The following CTBP2 variants were observed in gnomAD, a reference collection of about 807,000 sequenced individuals.
CTBP2 encodes C-terminal binding protein 2, also known as C-terminal-binding protein 2.
In CTBP2, 30 loss-of-function variants were observed where a neutral mutation model predicts 80.3. The ratio of observed to expected loss-of-function variants is 0.37; its 90% CI spans 0.28 to 0.51. CTBP2 has a LOEUF of 0.51. Ranked by LOEUF, CTBP2 falls within the 20% of genes least tolerant of loss-of-function variation. The pLI is 0.93. For synonymous variants in CTBP2, 594 were observed against 587.4 expected (o/e 1.01, Z -0.16); for missense variants, 1,212 against 1,375.3 (o/e 0.88, Z 1.88).
chr10:124,985,125 C>A lies in CTBP2; in HGVS notation c.*4393G>T. 1.5e-6 allele frequency: 1 copy of A among 671,516 alleles called. No homozygotes were observed. 41.6% of individuals were successfully genotyped at this position (671,516 alleles called of 1,614,324 possible). A position where few individuals can be genotyped will look rare whatever the true frequency, so the allele number is the denominator to read the frequency against. On this transcript the variant is annotated 3_prime_UTR_variant, in exon 9 of 9. Coordinates refer to ENST00000309035, the MANE Select transcript of CTBP2 (RefSeq NM_022802.3). ...AGGATCTGCTCGGGGAAGTGTTTTCCTGGACCACACACACCTTATGGAGAT... is the reference window on the plus strand; with the variant it reads ...AGGATCTGCTCGGGGAAGTGTTTTCATGGACCACACACACCTTATGGAGAT...
intron 1 of CTBP2, among the ~76,000 whole-genome samples, chr10:125,013,793 C>T (rs1010504614): frequency 5.3e-5 from 8 of 152,218 alleles, no homozygotes; most frequent in African/African-American, 1.9e-4. Context: ...CCAGGGTCCA[C>T]CGCAGTGCAA....
chr10:125,099,084 T>C (rs540104339), intron 2 of CTBP2, among the ~76,000 whole-genome samples: 1 of 152,284 alleles, frequency 6.6e-6, no homozygotes, highest in African/African-American at 2.4e-5. Context: ...TAGCACACGG[T>C]CAGGCACGTT....
chr10:125,132,350 A>G (rs1043173242), intron 1 of CTBP2, among the ~76,000 whole-genome samples: 1 of 152,218 alleles, frequency 6.6e-6, no homozygotes, highest in African/African-American at 2.4e-5. Flanking sequence ...TTATGACACA[A>G]CTTGAGTCCA....
chr10:125,127,505 T>A (rs1855475687), intron 1 of CTBP2, among the ~76,000 whole-genome samples: 1 of 152,214 alleles, frequency 6.6e-6, no homozygotes, highest in Non-Finnish European at 1.5e-5. Context: ...AACAGACCTG[T>A]ACCAATTGGC....
At chr10:125,004,399 CA>C (rs1273155050) in intron 1 of CTBP2, among the ~76,000 whole-genome samples, 3 of 152,208 alleles carry the variant, frequency 2.0e-5, no homozygotes, top group Non-Finnish European at 1.5e-5. Context: ...TTCTGTGCAG[CA>C]AACCCAGCAG....
intron 2 of CTBP2, among the ~76,000 whole-genome samples, chr10:125,106,199 AC>A (rs1332915484): frequency 1.3e-5 from 2 of 151,792 alleles, no homozygotes; most frequent in Admixed American, 6.5e-5. Context: ...GGAAAGATGC[AC>A]CCCATGTGCG....
At chr10:125,146,393 G>A (rs1305446819) in intron 1 of CTBP2, among the ~76,000 whole-genome samples, 1 of 151,448 alleles carries the variant, frequency 6.6e-6, no homozygotes, top group African/African-American at 2.4e-5. Context: ...CAATTCTCCT[G>A]CCTCAGACTC....
chr10:125,016,987 G>A (rs939196955), intron 1 of CTBP2, among the ~76,000 whole-genome samples: 16 of 152,238 alleles, frequency 1.1e-4, no homozygotes, highest in African/African-American at 3.1e-4. Flanking sequence ...ACTGGCCTGC[G>A]CTGGGCAGTT....
At chr10:125,092,902 C>T (rs930858684) in intron 2 of CTBP2, among the ~76,000 whole-genome samples, 3 of 152,014 alleles carry the variant, frequency 2.0e-5, no homozygotes, top group Admixed American at 1.3e-4. Flanking sequence ...GAAAACAGCC[C>T]GCCTTCTAGA....
At chr10:125,004,591 T>C (rs1954985195) in intron 1 of CTBP2, among the ~76,000 whole-genome samples, 1 of 152,080 alleles carries the variant, frequency 6.6e-6, no homozygotes, top group South Asian at 2.1e-4. Flanking sequence ...TCCGCCGAGA[T>C]GCCAGGAAGG....
chr10:125,051,673 A>G (rs939973051), intron 2 of CTBP2, among the ~76,000 whole-genome samples: 1 of 148,562 alleles, frequency 6.7e-6, no homozygotes, highest in African/African-American at 2.5e-5. Flanking sequence ...AAAAAAAAAA[A>G]GAAACCTTTT....
intron 1 of CTBP2, among the ~76,000 whole-genome samples, chr10:125,146,287 T>C (rs992081927): frequency 1.3e-5 from 2 of 151,496 alleles, no homozygotes; most frequent in Admixed American, 1.3e-4. Context: ...GTGAGATTTT[T>C]TTTTTTTTTT....
intron 2 of CTBP2, among the ~76,000 whole-genome samples, chr10:125,057,301 G>T (rs1964135020): frequency 6.6e-6 from 1 of 152,212 alleles, no homozygotes; most frequent in Admixed American, 6.5e-5. Flanking sequence ...TACGTGGCTG[G>T]GATTGGCCAG....
At chr10:125,022,322 T>A (rs927995718) in intron 1 of CTBP2, among the ~76,000 whole-genome samples, 73 of 152,376 alleles carry the variant, frequency 4.8e-4, no homozygotes, top group African/African-American at 1.7e-3. Flanking sequence ...TTAACTGTCC[T>A]TTTATGAATT....
At chr10:125,073,983 T>C (rs1050062763) in intron 2 of CTBP2, among the ~76,000 whole-genome samples, 12 of 152,186 alleles carry the variant, frequency 7.9e-5, no homozygotes, top group African/African-American at 2.7e-4. Context: ...CACAGAATGC[T>C]GGGGATGTTC....
chr10:125,069,125 G>A (rs777777377), intron 2 of CTBP2, among the ~76,000 whole-genome samples: 4 of 152,142 alleles, frequency 2.6e-5, no homozygotes, highest in Admixed American at 6.5e-5. Context: ...AGGACCAAGG[G>A]TTTCCTGTTC....
chr10:125,067,560 A>G (rs1590488185), intron 2 of CTBP2, among the ~76,000 whole-genome samples: 1 of 152,248 alleles, frequency 6.6e-6, no homozygotes, highest in African/African-American at 2.4e-5. Context: ...TTTAGAAGGG[A>G]AAAAACTGCT....
At chr10:125,131,681 A>C (rs974341554) in intron 1 of CTBP2, among the ~76,000 whole-genome samples, 1 of 152,214 alleles carries the variant, frequency 6.6e-6, no homozygotes, top group Non-Finnish European at 1.5e-5. Flanking sequence ...TTTGATTTCT[A>C]AATCACAAGA....
At chr10:125,159,010 C>G (rs1356623762) in intron 1 of CTBP2, among the ~76,000 whole-genome samples, 1 of 151,756 alleles carries the variant, frequency 6.6e-6, no homozygotes, top group African/African-American at 2.4e-5. Context: ...GCAGGCGACC[C>G]GCCACGCCGC....
Sources: allele counts gnomAD v4.1 joint callset (sites outside exome capture counted in the v4.1 genomes callset), GRCh38; gene constraint gnomAD v4.1.1; transcripts MANE v1.5; gene names NCBI Gene and HGNC (gene_info 2026-07-23, HGNC 2026-07-21).